The following DISP1 variants were observed in gnomAD, a reference collection of about 807,000 sequenced individuals.
The protein encoded by DISP1 is dispatched RND transporter family member 1.
A neutral mutation model predicts 37.3 loss-of-function variants in DISP1; 30 were observed. That is an observed-to-expected ratio of 0.80 (90% confidence interval 0.60 to 1.09). The LOEUF is 1.09. Ranked by LOEUF, DISP1 falls within the 50% of genes least tolerant of loss-of-function variation. DISP1 has a pLI of 0.00. For synonymous variants in DISP1, 634 were observed against 690.2 expected, an observed-to-expected ratio of 0.92 and a Z score of 1.28; for missense variants, 1,598 against 1,879.5, an observed-to-expected ratio of 0.85 and a Z score of 2.77.
At chr1:222,900,395 T>C (rs1293444714) in intron 1 of DISP1, among the ~76,000 whole-genome samples, 1 of 152,178 alleles carries the variant, frequency 6.6e-6, no homozygotes, top group Non-Finnish European at 1.5e-5. Context: ...TACAGTTAAT[T>C]TGGATTGTCT....
intron 1 of DISP1, among the ~76,000 whole-genome samples, chr1:222,914,862 G>A (rs746744037): frequency 1.3e-4 from 20 of 152,116 alleles, no homozygotes; most frequent in Non-Finnish European, 2.6e-4. Context: ...AGGTATTCAG[G>A]AAGCTGAGGC....
At chr1:222,990,513 A>G in intron 4 of DISP1, 112 bp from the exon 5 acceptor site, 1 of 1,496,690 alleles carries the variant, frequency 6.7e-7, no homozygotes, top group Non-Finnish European at 9.3e-7. Flanking sequence ...AGGATTTAAT[A>G]AATTGCTGTC....
At chr1:222,833,933 CA>C (rs1666375818) in intron 1 of DISP1, among the ~76,000 whole-genome samples, 1 of 152,104 alleles carries the variant, frequency 6.6e-6, no homozygotes, top group Non-Finnish European at 1.5e-5. Flanking sequence ...AATGAGATGC[CA>C]AGAAAGCATT....
intron 1 of DISP1, among the ~76,000 whole-genome samples, chr1:222,871,629 A>T (rs1669583902): frequency 6.6e-6 from 1 of 152,226 alleles, no homozygotes; most frequent in Non-Finnish European, 1.5e-5. Context: ...ATTTTTGCAC[A>T]TTGATTTTGC....
intron 1 of DISP1, among the ~76,000 whole-genome samples, chr1:222,845,418 C>T (rs1667846088): frequency 6.6e-6 from 1 of 152,088 alleles, no homozygotes; most frequent in Admixed American, 6.6e-5. Flanking sequence ...TAAAAGGACT[C>T]TTGAAAGAAA....
chr1:222,817,893 GT>G (rs1174772209), intron 1 of DISP1, among the ~76,000 whole-genome samples: 1 of 152,104 alleles, frequency 6.6e-6, no homozygotes, highest in East Asian at 1.9e-4. Flanking sequence ...TCTTGTTTAG[GT>G]TATTGTTTTA....
At chr1:222,947,908 G>A (rs1674915799) in intron 3 of DISP1, among the ~76,000 whole-genome samples, 1 of 152,186 alleles carries the variant, frequency 6.6e-6, no homozygotes, top group Non-Finnish European at 1.5e-5. Flanking sequence ...AGTGAGAAAT[G>A]TGATAACTTG....
rs1452052453 is a variant in DISP1 at position 222,923,987 on chromosome 1, AATAT to A, written c.-158-4442_-158-4439del. On this transcript the variant is annotated intron_variant, in intron 1 of 8. Coordinates refer to ENST00000675850, the MANE Select transcript of DISP1 (RefSeq NM_001377229.1). ...CTAGAGCCACGAGGTCATAAGGGTG[AATAT>A]GTCAGACTATGGAAGACCGGCAAGG... Among the ~76,000 whole-genome samples the A allele has an allele frequency of 3.9e-5, 6 of 152,306 alleles. 1 individual carries two copies. The highest frequency in any genetic ancestry group is 1.4e-4 in the African/African-American group (6 of 41,584).
chr1:222,995,545 G>C (rs1470031929), intron 8 of DISP1, among the ~76,000 whole-genome samples: 5 of 152,196 alleles, frequency 3.3e-5, no homozygotes, highest in African/African-American at 1.2e-4. Flanking sequence ...ACACCTTGCT[G>C]CTTCGGGAGA....
Position 223,003,224 on chromosome 1 carries a change from C to T in DISP1, c.1827C>T (p.Phe609=), listed in dbSNP as rs1287276076. 9.9e-6 allele frequency: 16 copies of T among 1,614,074 alleles called. No homozygotes were observed. In the Admixed American group the frequency reaches 1.2e-4, roughly 12 times the overall value. The change falls in exon 9 of 9, where the codon TTC becomes TTT. Residue 609 remains phenylalanine (F), a synonymous_variant. Transcript: ENST00000675850. The surrounding 1 kb of genome is among the most constrained non-coding windows in gnomAD (Gnocchi z 4.3). ...TGCAGCACGCTGCCCTCTCCATGTT[C>T]GTCACCAGTTTTACCACTGCTGCTG... ...ITLQHAALSM[F]VTSFTTAAAF...
intron 3 of DISP1, among the ~76,000 whole-genome samples, chr1:222,949,783 C>A (rs575366732): frequency 6.6e-6 from 1 of 152,208 alleles, no homozygotes; most frequent in Non-Finnish European, 1.5e-5. Context: ...CACACCACCA[C>A]GCCCAGCTAA....
At position 222,928,506 on chromosome 1, in the gene DISP1, C is replaced by T. The variant is rs1430987017; in HGVS notation, c.-82C>T. On this transcript the variant is annotated 5_prime_UTR_variant, in exon 2 of 9. Transcript: ENST00000675850. The stretch of plus-strand genomic sequence containing the variant: ...GTGCTGTGATCCTGCAGTCAGTTGC[C>T]GCTGTTGCTACTGCAATCATTTGCA... 6.6e-6 allele frequency: 1 copy of T among 152,210 alleles called. No homozygotes were observed. The highest frequency in any genetic ancestry group is 1.5e-5 in the Non-Finnish European group (1 of 68,050). 9.4% of individuals were successfully genotyped at this position (152,210 alleles called of 1,614,324 possible).
chr1:222,868,824 C>T lies in DISP1; in HGVS notation c.-159+53746C>T, dbSNP rs919372480. ...TTTCCCTAAGATCAAACTTTTCAAT[C>T]GCCTATATTCTTGATTCACATAATG... On this transcript the variant is annotated intron_variant, in intron 1 of 8. Transcript: ENST00000675850. Among the ~76,000 whole-genome samples, 9 of 152,004 alleles carry T rather than the reference C, an allele frequency of 5.9e-5. No homozygotes were observed. The South Asian group carries it at 6.2e-4, about 11-fold the overall frequency.
chr1:222,929,040 G>T (rs1421961881), intron 2 of DISP1, among the ~76,000 whole-genome samples: 1 of 152,118 alleles, frequency 6.6e-6, no homozygotes, highest in Non-Finnish European at 1.5e-5. Flanking sequence ...AAAATTATTA[G>T]CATCTTCCCT....
At chr1:222,853,085 G>GA (rs987299409) in intron 1 of DISP1, among the ~76,000 whole-genome samples, 5 of 152,164 alleles carry the variant, frequency 3.3e-5, no homozygotes, top group African/African-American at 1.2e-4. Context: ...TTATTTCATA[G>GA]AAAAAAGAGA....
intron 4 of DISP1, among the ~76,000 whole-genome samples, chr1:222,989,941 T>A (rs1558073041): frequency 6.6e-6 from 1 of 152,138 alleles, no homozygotes; most frequent in East Asian, 1.9e-4. Context: ...TAGCTAGGAC[T>A]ACAGGCGTGT....
In DISP1 at chr1:222,830,592, G is replaced by T. The variant is rs116606048; in HGVS notation, c.-159+15514G>T. ...AGACAAGGTTTAGTTATGTTGGTCAGGCTGGTCTCGAACTCCTGACTTCAA... is the reference window on the plus strand; with the variant it reads ...AGACAAGGTTTAGTTATGTTGGTCATGCTGGTCTCGAACTCCTGACTTCAA... On this transcript the variant is annotated intron_variant, in intron 1 of 8. Transcript: ENST00000675850. Among the ~76,000 whole-genome samples the T allele has an allele frequency of 8.8e-3, 1,344 of 152,264 alleles. 16 individuals are homozygous for T. Among genetic ancestry groups the T allele is most frequent in the African/African-American group, 0.031 (1,287 of 41,544 alleles).
chr1:222,864,409 A>T lies in DISP1; in HGVS notation c.-159+49331A>T, dbSNP rs1669059803. 3.3e-5 allele frequency among the ~76,000 whole-genome samples: 5 copies of T among 152,284 alleles called. No homozygotes were observed. In the South Asian group the frequency reaches 1.0e-3, roughly 32 times the overall value. On this transcript the variant is annotated intron_variant, in intron 1 of 8. Coordinates refer to ENST00000675850, the MANE Select transcript of DISP1 (RefSeq NM_001377229.1). ...ATGCTAAATAAAACTTTCTTGAGTA[A>T]ATAGCTCTCTTCTTACCATTTATTA... is the stretch of plus-strand genomic sequence containing the variant.
chr1:222,850,427 T>C (rs17484105), intron 1 of DISP1, among the ~76,000 whole-genome samples: 12,106 of 152,140 alleles, frequency 0.08, 603 homozygotes, highest in East Asian at 0.27. Context: ...CTACACTTTT[T>C]TTTTCCCACT....
Sources: allele counts gnomAD v4.1 joint callset (sites outside exome capture counted in the v4.1 genomes callset), GRCh38; gene constraint gnomAD v4.1.1; non-coding constraint Gnocchi (gnomAD v3.1); transcripts MANE v1.5; gene names NCBI Gene and HGNC (gene_info 2026-07-23, HGNC 2026-07-21).